Variants in RANBP3 observed in about 807,000 individuals in gnomAD.
The protein encoded by RANBP3 is RAN binding protein 3.
RANBP3 carries 14 observed loss-of-function variants against 77.3 expected under a neutral mutation model. The ratio of observed to expected loss-of-function variants is 0.18; its 90% CI spans 0.12 to 0.28. The LOEUF (loss-of-function observed/expected upper bound fraction) is 0.28. Among genes scored for constraint, RANBP3 ranks in the 10% least tolerant of loss-of-function variants. The probability of loss-of-function intolerance (pLI) is 1.00; values close to 1 mark genes in which losing one functional copy is unlikely to be tolerated. For missense variants in RANBP3, 586 were observed against 752.3 expected (o/e 0.78, Z 2.59); for synonymous variants, 315 against 312.4 (o/e 1.01, Z -0.09).
chr19:5,954,192 A>G (rs1404686770), intron 2 of RANBP3, among the ~76,000 whole-genome samples: 1 of 152,114 alleles, frequency 6.6e-6, no homozygotes, highest in Non-Finnish European at 1.5e-5. Flanking sequence ...GATGGTGGAG[A>G]CGAAGGGGCT....
rs374152173 is a variant in RANBP3, at chr19:5,925,723, G to A, written c.828C>T (p.Ser276=). The A allele has an allele frequency of 1.1e-4, 180 of 1,613,636 alleles. No homozygotes were observed. Among genetic ancestry groups the A allele is most frequent in the Middle Eastern group, 3.3e-4 (2 of 6,084 alleles). Residue 276 remains serine (S), a synonymous_variant, in exon 10 of 17, where the codon AGC becomes AGT. Coordinates refer to ENST00000340578, the MANE Select transcript of RANBP3 (RefSeq NM_007322.3). ...CATTCTCCATGTCGGCTTCGTCCAC[G>A]CTCTCATTTATCAGCTGGGAATGAG... is the stretch of plus-strand genomic sequence containing the variant. ...LRDRVKLINE[S]VDEADMENAG...
chr19:5,929,660 C>T (rs2057961893), intron 8 of RANBP3, among the ~76,000 whole-genome samples: 1 of 152,240 alleles, frequency 6.6e-6, no homozygotes, highest in South Asian at 2.1e-4. Flanking sequence ...TCGCCCCCAA[C>T]ATCTAAGCCC....
At chr19:5,928,164 C>T in intron 8 of RANBP3, 77 bp from the exon 9 acceptor site, 3 of 1,530,564 alleles carry the variant, frequency 2.0e-6, no homozygotes, top group Non-Finnish European at 1.8e-6. Context: ...AGCAATCCCA[C>T]ACCAGATCAT....
At chr19:5,966,295 T>G (rs967879894) in intron 1 of RANBP3, among the ~76,000 whole-genome samples, 1 of 152,180 alleles carries the variant, frequency 6.6e-6, no homozygotes, top group Non-Finnish European at 1.5e-5. Context: ...ACAGGTCACA[T>G]GACCACCTGC....
chr19:5,975,362 G>T, intron 1 of RANBP3, among the ~76,000 whole-genome samples: 1 of 152,066 alleles, frequency 6.6e-6, no homozygotes, highest in Non-Finnish European at 1.5e-5. Context: ...GCCCTTACCA[G>T]TTCAACTATC....
chr19:5,927,632 A>G (rs2057930061), intron 9 of RANBP3, among the ~76,000 whole-genome samples: 1 of 152,214 alleles, frequency 6.6e-6, no homozygotes, highest in Non-Finnish European at 1.5e-5. Context: ...AGAGCTGAGA[A>G]CACTGGACCG....
At chr19:5,925,482 G>T in intron 10 of RANBP3, 152 bp downstream of exon 10, 1 of 671,534 alleles carries the variant, frequency 1.5e-6, no homozygotes, top group Non-Finnish European at 2.6e-6. Flanking sequence ...CCAAGGTTGT[G>T]CCCAGAGTGG....
chr19:5,963,643 A>T (rs1013878999), intron 1 of RANBP3, among the ~76,000 whole-genome samples: 4 of 152,198 alleles, frequency 2.6e-5, no homozygotes, highest in African/African-American at 9.7e-5. Flanking sequence ...GGACATCCAC[A>T]ATGAGGCCTG....
intron 1 of RANBP3, among the ~76,000 whole-genome samples, chr19:5,968,208 T>C (rs1344492165): frequency 6.6e-6 from 1 of 152,054 alleles, no homozygotes; most frequent in Non-Finnish European, 1.5e-5. Flanking sequence ...CACGGAAGCT[T>C]ACAGGAAGGA....
rs1295992196 is a variant in RANBP3 at position 5,924,503 on chromosome 19, T to C, written c.996+324A>G. ...GGCTGGCTCCGTCCCACAGGACTTT[T>C]GTCAGTTGGCCTGGTGGGGAGGAAC... is the stretch of plus-strand genomic sequence containing the variant. On this transcript the variant is annotated intron_variant, in intron 11 of 16. Transcript: ENST00000340578. The surrounding 1 kb of genome is among the most constrained non-coding windows in gnomAD (Gnocchi z 4.7). Among the ~76,000 whole-genome samples the C allele has an allele frequency of 2.0e-5, 3 of 152,382 alleles. No homozygotes were observed. Among genetic ancestry groups the C allele is most frequent in the East Asian group, 3.9e-4 (2 of 5,190 alleles).
In RANBP3 at chr19:5,978,012, G is replaced by A. The variant is rs749653292; in HGVS notation, c.22+49C>T. ...AGGGCTTGTGGCCCCTAGTCCTCCCGCCGCCCGTTCCCCGGCCGCCAGCCG... is the reference window on the plus strand; with the variant it reads ...AGGGCTTGTGGCCCCTAGTCCTCCCACCGCCCGTTCCCCGGCCGCCAGCCG... On this transcript the variant is annotated intron_variant, in intron 1 of 16. Transcript: ENST00000340578. The A allele has an allele frequency of 3.1e-6, 5 of 1,604,918 alleles. No individual in the cohort carries two copies. In the Admixed American group the frequency reaches 8.5e-5, roughly 27 times the overall value.
rs1255908615 is a variant in RANBP3 at position 5,947,287 on chromosome 19, C to G, written c.282+4106G>C. 2.7e-5 allele frequency among the ~76,000 whole-genome samples: 4 copies of G among 146,926 alleles called. No individual in the cohort carries two copies. In the East Asian group the frequency reaches 7.9e-4, roughly 29 times the overall value. ...CCAGATGGCGCCACTGCTCTTCAGC[C>G]TGGGCAACAGAGGGAGACTCTGTCT... On this transcript the variant is annotated intron_variant, in intron 3 of 16. Transcript: ENST00000340578.
chr19:5,925,810 G>A (rs2057900018), intron 9 of RANBP3, 73 bp from the exon 10 acceptor site: 1 of 1,264,704 alleles, frequency 7.9e-7, no homozygotes, highest in African/African-American at 1.5e-5. Flanking sequence ...AGTGTCTGCA[G>A]ACCCCCTGAG....
chr19:5,936,137 T>A (rs1444809448), intron 5 of RANBP3, among the ~76,000 whole-genome samples: 1 of 152,198 alleles, frequency 6.6e-6, no homozygotes. Context: ...GGAATGAGAC[T>A]GTGTGCATCA....
chr19:5,960,776 G>A (rs2058390200), intron 1 of RANBP3, among the ~76,000 whole-genome samples: 1 of 152,240 alleles, frequency 6.6e-6, no homozygotes, highest in East Asian at 1.9e-4. Context: ...GTAACTATGG[G>A]AGGCCTGGGC....
chr19:5,935,593 G>A (rs1269689914), intron 5 of RANBP3: 3 of 410,432 alleles, frequency 7.3e-6, no homozygotes, highest in South Asian at 1.7e-5. Context: ...ACTCCGCTCC[G>A]TGCAGCGCTG....
At chr19:5,925,585 G>T in intron 10 of RANBP3, 49 bp downstream of exon 10, 1 of 1,548,266 alleles carries the variant, frequency 6.5e-7, no homozygotes. Flanking sequence ...AGCCCTCGCG[G>T]CCACCTGCAT....
Position 5,917,652 on chromosome 19 carries a change from A to G in RANBP3, c.1662T>C (p.Gly554=), listed in dbSNP as rs765523573. ...VLAPSGATAA[G]AGDEGDGQTT... is the part of the protein sequence containing the mutation. ...TCTGCCCGTCCCCTTCGTCACCAGCACCTGCAGGGAAGCAGCAGCCCCGCA... is the reference window on the plus strand; with the variant it reads ...TCTGCCCGTCCCCTTCGTCACCAGCGCCTGCAGGGAAGCAGCAGCCCCGCA... Residue 554 remains glycine, a splice_region_variant and synonymous_variant, in exon 17 of 17, where the codon GGT becomes GGC. Coordinates refer to ENST00000340578, the MANE Select transcript of RANBP3 (RefSeq NM_007322.3). 6 of 1,606,640 alleles carry G rather than the reference A, an allele frequency of 3.7e-6. No homozygotes were observed. In the South Asian group the frequency reaches 6.6e-5, roughly 18 times the overall value.
intron 9 of RANBP3, among the ~76,000 whole-genome samples, chr19:5,926,040 C>G (rs570917448): frequency 6.6e-6 from 1 of 152,336 alleles, no homozygotes; most frequent in African/African-American, 2.4e-5. Flanking sequence ...TCGGTCAATG[C>G]TTCATACCAA....
Sources: allele counts gnomAD v4.1 joint callset (sites outside exome capture counted in the v4.1 genomes callset), GRCh38; gene constraint gnomAD v4.1.1; non-coding constraint Gnocchi (gnomAD v3.1); transcripts MANE v1.5; gene names NCBI Gene and HGNC (gene_info 2026-07-23, HGNC 2026-07-21).